The following XYLT1 variants were observed in gnomAD, a reference collection of about 807,000 sequenced individuals.
The protein encoded by XYLT1 is beta-D-xylosyltransferase 1.
A neutral mutation model predicts 91.3 loss-of-function variants in XYLT1; 36 were observed. That is an observed-to-expected ratio of 0.39 (90% CI 0.30 to 0.52). XYLT1 has a LOEUF of 0.52. XYLT1 is among the 20% of genes least tolerant of loss of function. The pLI is 0.68. For synonymous variants in XYLT1, 588 were observed against 532.0 expected (o/e 1.11, Z -1.45); for missense variants, 1,242 against 1,284.5 (o/e 0.97, Z 0.51).
At chr16:17,204,779 G>A (rs2032610210) in intron 3 of XYLT1, among the ~76,000 whole-genome samples, 1 of 152,084 alleles carries the variant, frequency 6.6e-6, no homozygotes, top group Non-Finnish European at 1.5e-5. Context: ...TGATCCCAGA[G>A]CCCTGTCATG....
intron 2 of XYLT1, among the ~76,000 whole-genome samples, chr16:17,310,499 T>C (rs1331739464): frequency 6.6e-6 from 1 of 152,150 alleles, no homozygotes. Context: ...TGCTCAATAA[T>C]GTGCCCTCCT....
chr16:17,377,185 A>ACACACACACACACACACACC (rs2035613888), intron 1 of XYLT1, among the ~76,000 whole-genome samples: 1 of 152,100 alleles, frequency 6.6e-6, no homozygotes, highest in African/African-American at 2.4e-5. Context: ...TCACACACAC[A>ACACACACACACACACACACC]CACAAAATTA....
Position 17,399,059 on chromosome 16 carries a change from A to AC in XYLT1, c.364-41010dup, listed in dbSNP as rs201243412. Among the ~76,000 whole-genome samples, 794 of 150,894 alleles carry AC rather than the reference A, an allele frequency of 5.3e-3. 6 individuals carry two copies. The highest frequency in any genetic ancestry group is 0.018 in the African/African-American group (757 of 41,020). On this transcript the variant is annotated intron_variant, in intron 1 of 11. Transcript: ENST00000261381. ...GGACACCAGTCATATTAGCTTAGGG[A>AC]CCCCCCCGCTTCTAGTATGACTGCA...
intron 2 of XYLT1, among the ~76,000 whole-genome samples, chr16:17,323,016 A>G (rs1270799821): frequency 6.6e-6 from 1 of 152,238 alleles, no homozygotes; most frequent in Non-Finnish European, 1.5e-5. Flanking sequence ...TCATCCCCAG[A>G]GAGGGACAGG....
At chr16:17,256,645 T>C (rs1330196581) in intron 3 of XYLT1, among the ~76,000 whole-genome samples, 1 of 140,806 alleles carries the variant, frequency 7.1e-6, no homozygotes, top group African/African-American at 2.8e-5. Context: ...TGAGACTCCG[T>C]CTCGAAAAAA....
chr16:17,147,057 G>T (rs1269790685), intron 6 of XYLT1, among the ~76,000 whole-genome samples: 1 of 152,088 alleles, frequency 6.6e-6, no homozygotes, highest in Non-Finnish European at 1.5e-5. Context: ...TCCCTATAGG[G>T]GTCAGACAGA....
At chr16:17,310,224 A>G (rs2034526122) in intron 2 of XYLT1, among the ~76,000 whole-genome samples, 1 of 151,984 alleles carries the variant, frequency 6.6e-6, no homozygotes, top group Admixed American at 6.6e-5. Flanking sequence ...TTTAGCCATT[A>G]CCAGGTTTTC....
intron 2 of XYLT1, among the ~76,000 whole-genome samples, chr16:17,357,707 G>A (rs769305972): frequency 1.4e-4 from 22 of 152,262 alleles, no homozygotes; most frequent in African/African-American, 3.6e-4. Context: ...ATGAACCTCC[G>A]CATGATGGTT....
intron 3 of XYLT1, among the ~76,000 whole-genome samples, chr16:17,256,677 A>G (rs1435951206): frequency 2.0e-5 from 3 of 151,190 alleles, no homozygotes; most frequent in Non-Finnish European, 4.4e-5. Context: ...AAGAGTAGCG[A>G]ATGAAGAGTT....
intron 5 of XYLT1, among the ~76,000 whole-genome samples, chr16:17,171,165 C>A (rs961008824): frequency 6.6e-6 from 1 of 152,066 alleles, no homozygotes; most frequent in African/African-American, 2.4e-5. Flanking sequence ...AATGTCAGAT[C>A]TTATTATTGT....
intron 1 of XYLT1, among the ~76,000 whole-genome samples, chr16:17,384,670 A>G (rs2035725567): frequency 6.6e-6 from 1 of 151,632 alleles, no homozygotes; most frequent in South Asian, 2.1e-4. Context: ...CTCACTACCA[A>G]CCCTGCCCAG....
At chr16:17,221,258 CCAGAAA>C (rs2141609333) in intron 3 of XYLT1, among the ~76,000 whole-genome samples, 1 of 152,222 alleles carries the variant, frequency 6.6e-6, no homozygotes, top group South Asian at 2.1e-4. Context: ...AATGCTAACC[CCAGAAA>C]CAATGCATAC....
intron 1 of XYLT1, among the ~76,000 whole-genome samples, chr16:17,444,437 G>A (rs939150980): frequency 6.6e-6 from 1 of 151,854 alleles, no homozygotes; most frequent in African/African-American, 2.4e-5. Context: ...CTGGGCTTCA[G>A]TGATCTTCCT....
At chr16:17,355,509 T>C (rs1325511284) in intron 2 of XYLT1, 2 of 152,178 alleles carry the variant, frequency 1.3e-5, no homozygotes, top group Non-Finnish European at 2.9e-5. Flanking sequence ...TAGAGACACG[T>C]TTCCCAAAGG....
At chr16:17,253,372 A>T (rs1337117279) in intron 3 of XYLT1, among the ~76,000 whole-genome samples, 1 of 152,148 alleles carries the variant, frequency 6.6e-6, no homozygotes, top group Non-Finnish European at 1.5e-5. Context: ...AGGGTGCGCT[A>T]TCCTGGCCAG....
intron 2 of XYLT1, among the ~76,000 whole-genome samples, chr16:17,349,896 C>T (rs777033068): frequency 4.0e-5 from 6 of 151,214 alleles, no homozygotes; most frequent in Middle Eastern, 3.4e-3. Flanking sequence ...TTTTTTTAGA[C>T]GGAGTCTCGC....
intron 8 of XYLT1, chr16:17,138,147 G>T: frequency 1.8e-6 from 1 of 540,864 alleles, no homozygotes; most frequent in Non-Finnish European, 3.2e-6. Context: ...TTGTTTTTGG[G>T]TTAATGAGTC....
At chr16:17,202,429 T>C (rs926667318) in intron 3 of XYLT1, among the ~76,000 whole-genome samples, 2 of 152,182 alleles carry the variant, frequency 1.3e-5, no homozygotes, top group Admixed American at 6.5e-5. Flanking sequence ...GCTGGTGTGA[T>C]CTAACTACTC....
At chr16:17,349,222 T>C (rs557615635) in intron 2 of XYLT1, among the ~76,000 whole-genome samples, 4 of 152,236 alleles carry the variant, frequency 2.6e-5, no homozygotes, top group Non-Finnish European at 5.9e-5. Context: ...GTGCTCTGGA[T>C]TGCCAAGTGA....
Sources: allele counts gnomAD v4.1 joint callset (sites outside exome capture counted in the v4.1 genomes callset), GRCh38; gene constraint gnomAD v4.1.1; transcripts MANE v1.5; gene names NCBI Gene and HGNC (gene_info 2026-07-23, HGNC 2026-07-21).